The following WDR72 variants were observed in gnomAD, a reference collection of about 807,000 sequenced individuals.
The protein encoded by WDR72 is WD repeat-containing protein 72.
WDR72 carries 120 observed loss-of-function variants against 124.2 expected under a neutral mutation model. The ratio of observed to expected loss-of-function variants is 0.97; its 90% CI spans 0.83 to 1.12. The LOEUF (loss-of-function observed/expected upper bound fraction) is 1.12. WDR72 is among the 50% of genes most tolerant of loss of function. The probability of loss-of-function intolerance (pLI) is 0.00; values close to 1 mark genes in which losing one functional copy is unlikely to be tolerated. For missense variants in WDR72, 1,387 were observed against 1,278.8 expected, an observed-to-expected ratio of 1.08 and a Z score of -1.29; for synonymous variants, 452 against 441.7, an observed-to-expected ratio of 1.02 and a Z score of -0.29.
chr15:53,549,477 G>C (rs1388366651), intron 18 of WDR72, among the ~76,000 whole-genome samples: 2 of 152,138 alleles, frequency 1.3e-5, no homozygotes, highest in African/African-American at 4.8e-5. Context: ...ATAGATGCGT[G>C]TTTTCCCATT....
intron 19 of WDR72, 39 bp from the exon 20 acceptor site, chr15:53,517,793 T>G: frequency 6.3e-7 from 1 of 1,594,880 alleles, no homozygotes; most frequent in Non-Finnish European, 8.6e-7. Flanking sequence ...TATGGTGAAA[T>G]CTAAAAAGAG....
chr15:53,760,141 A>G (rs1369946374), upstream of WDR72, among the ~76,000 whole-genome samples: 1 of 151,694 alleles, frequency 6.6e-6, no homozygotes, highest in African/African-American at 2.4e-5. Context: ...TGAGGTTTCC[A>G]TCACCTCAGC....
chr15:53,548,886 A>AT (rs1310484555), intron 18 of WDR72, among the ~76,000 whole-genome samples: 1 of 152,112 alleles, frequency 6.6e-6, no homozygotes, highest in Non-Finnish European at 1.5e-5. Context: ...CAGTGTTTCC[A>AT]TTTTTTTGTT....
intron 13 of WDR72, among the ~76,000 whole-genome samples, chr15:53,668,770 G>T (rs1567015730): frequency 6.6e-6 from 1 of 151,920 alleles, no homozygotes; most frequent in South Asian, 2.1e-4. Context: ...GCCGGACATG[G>T]TGGCATGTGC....
At chr15:53,587,293 G>C (rs2012262003) in intron 18 of WDR72, among the ~76,000 whole-genome samples, 1 of 151,944 alleles carries the variant, frequency 6.6e-6, no homozygotes, top group Non-Finnish European at 1.5e-5. Context: ...TTCTAAGAAG[G>C]CCACTACCTT....
chr15:53,715,057 A>G (rs1329551749), intron 5 of WDR72, 136 bp downstream of exon 5: 1 of 971,984 alleles, frequency 1.0e-6, no homozygotes, highest in African/African-American at 1.6e-5. Flanking sequence ...CAGGTGTATT[A>G]CAGACATATC....
rs923036257 is a variant in WDR72, at chr15:53,687,145, A to G, written c.1765+12605T>C. Among the ~76,000 whole-genome samples the G allele has an allele frequency of 1.3e-3, 196 of 148,952 alleles. 1 individual carries two copies. Among genetic ancestry groups the G allele is most frequent in the Non-Finnish European group, 9.1e-4 (61 of 67,322 alleles). On this transcript the variant is annotated intron_variant, in intron 13 of 19. Transcript: ENST00000360509. Reference sequence around the variant, plus strand: ...AAATTGACACCCTAACATCACAATTAAAAGAACTAGAAAAGCAAGAGCAAA... The same window carrying G: ...AAATTGACACCCTAACATCACAATTGAAAGAACTAGAAAAGCAAGAGCAAA...
intron 18 of WDR72, among the ~76,000 whole-genome samples, chr15:53,564,063 C>T (rs1301892587): frequency 4.6e-5 from 7 of 151,836 alleles, no homozygotes; most frequent in Non-Finnish European, 8.8e-5. Context: ...CCTTGAAATG[C>T]AGACCAATCA....
At chr15:53,736,249 T>A (rs1026900724) in intron 1 of WDR72, among the ~76,000 whole-genome samples, 1 of 152,092 alleles carries the variant, frequency 6.6e-6, no homozygotes, top group African/African-American at 2.4e-5. Context: ...GAGTGGAGTG[T>A]TGGAGTTCAA....
chr15:53,726,016 G>A (rs1339049539), intron 2 of WDR72, among the ~76,000 whole-genome samples: 1 of 150,854 alleles, frequency 6.6e-6, no homozygotes, highest in East Asian at 1.9e-4. Flanking sequence ...AGGTTGCAGT[G>A]AGCCAAGATT....
At position 53,646,515 on chromosome 15, in the gene WDR72, TAAGGTAAACAAAATTACCA is replaced by T. The variant is rs1479045921; in HGVS notation, c.1962+19038_1962+19056del. On this transcript the variant is annotated intron_variant, in intron 14 of 19. Coordinates refer to ENST00000360509, the MANE Select transcript of WDR72 (RefSeq NM_182758.4). ...GTGAGGGATAGAAAAAGAAAAGAAA[TAAGGTAAACAAAATTACCA>T]AAGGCCAGTAGACTGTTTCAGGTCA... 4.6e-5 allele frequency among the ~76,000 whole-genome samples: 7 copies of T among 151,902 alleles called. No homozygotes were observed. The East Asian group carries it at 1.3e-3, about 29-fold the overall frequency.
Position 53,715,314 on chromosome 15 carries a change from T to A in WDR72, c.393A>T (p.Gly131=). 1 of 1,614,150 alleles carries A rather than the reference T, an allele frequency of 6.2e-7. No homozygotes were observed. The highest frequency in any genetic ancestry group is 1.1e-5 in the South Asian group (1 of 91,086). ...MTGEGWLLCC[G]EYQDVLIIDA... ...CAATTATAAGGACATCTTGATATTC[T>A]CCACAACAAAGAAGCCAGCCTTCTC... Residue 131 remains glycine, a synonymous_variant, in exon 5 of 20, where the codon GGA becomes GGT. Coordinates refer to ENST00000360509, the MANE Select transcript of WDR72 (RefSeq NM_182758.4).
intron 15 of WDR72, among the ~76,000 whole-genome samples, chr15:53,615,009 A>G (rs918966959): frequency 7.2e-5 from 11 of 152,048 alleles, no homozygotes; most frequent in Admixed American, 6.6e-4. Context: ...ATATAAAAAT[A>G]TATCATCATA....
At chr15:53,546,089 T>C (rs1191483011) in intron 18 of WDR72, among the ~76,000 whole-genome samples, 1 of 141,742 alleles carries the variant, frequency 7.1e-6, no homozygotes, top group Admixed American at 7.0e-5. Context: ...CTTCAACCAT[T>C]GTGAAAGTCA....
intron 14 of WDR72, among the ~76,000 whole-genome samples, chr15:53,626,359 C>A (rs912895854): frequency 2.6e-5 from 4 of 152,158 alleles, no homozygotes; most frequent in Non-Finnish European, 4.4e-5. Context: ...AAATGACAAG[C>A]CTTTAGCCTG....
In WDR72 at chr15:53,626,236, G is replaced by T. The variant is rs538368048; in HGVS notation, c.1963-9993C>A. On this transcript the variant is annotated intron_variant, in intron 14 of 19. Transcript: ENST00000360509. ...TACAAGGAATGGAATCTTGGGCCACGCGATGAGTGTTATAGCTCTATCAGA... is the reference window on the plus strand; with the variant it reads ...TACAAGGAATGGAATCTTGGGCCACTCGATGAGTGTTATAGCTCTATCAGA... Among the ~76,000 whole-genome samples the T allele has an allele frequency of 2.0e-5, 3 of 152,318 alleles. No homozygotes were observed. The South Asian group carries it at 6.2e-4, about 32-fold the overall frequency.
chr15:53,609,891 T>TAA (rs2013463038), intron 16 of WDR72, among the ~76,000 whole-genome samples: 1 of 151,984 alleles, frequency 6.6e-6, no homozygotes, highest in Non-Finnish European at 1.5e-5. Flanking sequence ...TTCTAACAAT[T>TAA]ATACTAACAC....
chr15:53,741,340 C>A (rs1595884824), intron 1 of WDR72, among the ~76,000 whole-genome samples: 1 of 152,102 alleles, frequency 6.6e-6, no homozygotes, highest in East Asian at 1.9e-4. Flanking sequence ...CAAAATGGAC[C>A]AAGGTCAAAG....
chr15:53,744,071 T>A (rs1313558555), intron 1 of WDR72, among the ~76,000 whole-genome samples: 1 of 152,144 alleles, frequency 6.6e-6, no homozygotes, highest in Non-Finnish European at 1.5e-5. Flanking sequence ...GTTTTCATTC[T>A]CATTGACACA....
Sources: gnomAD v4.1 joint callset for allele counts (sites outside exome capture counted in the v4.1 genomes callset) on GRCh38, gnomAD v4.1.1 for gene constraint, MANE v1.5 for transcripts, NCBI Gene and HGNC (gene_info 2026-07-23, HGNC 2026-07-21) for gene names.